The following DPP8 variants were observed in gnomAD, a reference collection of about 807,000 sequenced individuals.
DPP8 encodes dipeptidyl peptidase 8, also known as DPP VIII.
DPP8 carries 31 observed loss-of-function variants against 107.5 expected under a neutral mutation model. That is an observed-to-expected ratio of 0.29 (90% CI 0.22 to 0.39). The LOEUF (loss-of-function observed/expected upper bound fraction) is 0.39, where lower values mean the gene tolerates loss of function less well. Among genes scored for constraint, DPP8 ranks in the 10% least tolerant of loss-of-function variants. The pLI is 1.00. For synonymous variants in DPP8, 381 were observed against 356.6 expected (o/e 1.07, Z -0.77); for missense variants, 842 against 1,076.1 (o/e 0.78, Z 3.04).
intron 7 of DPP8, among the ~76,000 whole-genome samples, chr15:65,485,991 G>C (rs1240174651): frequency 6.6e-6 from 1 of 151,680 alleles, no homozygotes; most frequent in Non-Finnish European, 1.5e-5. Flanking sequence ...CTACTCAGGG[G>C]GCTGAGGCAG....
In DPP8 at chr15:65,445,119, C is replaced by G. The variant is rs1196050227; in HGVS notation, c.*1765G>C. On this transcript the variant is annotated 3_prime_UTR_variant, in exon 20 of 20. Coordinates refer to ENST00000300141, the MANE Select transcript of DPP8 (RefSeq NM_130434.5). The stretch of plus-strand genomic sequence containing the variant: ...TAAATACAAACAGCAAAACCCAATA[C>G]CTTTCCCAACGACAGAACCACCATA... 6.6e-6 allele frequency: 1 copy of G among 152,002 alleles called. No individual in the cohort carries two copies. Among genetic ancestry groups the G allele is most frequent in the Non-Finnish European group, 1.5e-5 (1 of 68,004 alleles). 9.4% of individuals were successfully genotyped at this position (152,002 alleles called of 1,614,324 possible). A position where few individuals can be genotyped will look rare whatever the true frequency, so the allele number is the denominator to read the frequency against.
Position 65,485,124 on chromosome 15 carries a change from T to C in DPP8, c.992A>G (p.Glu331Gly). 1 of 1,610,774 alleles carries C rather than the reference T, an allele frequency of 6.2e-7. No individual in the cohort carries two copies. Among genetic ancestry groups the C allele is most frequent in the Non-Finnish European group, 8.5e-7 (1 of 1,176,924 alleles). Reference protein sequence around the residue: ...ANPKVTFKMSEIMIDAEGRII... With the variant: ...ANPKVTFKMSGIMIDAEGRII... ...CCTTCCTTCAGCATCAATCATTATT[T>C]CTGACATCTTAAAAGTGACTTTAGG... The change falls in exon 8 of 20, where the codon GAA becomes GGA. Residue 331 changes from glutamate (E) to glycine (G), a missense_variant. Physicochemically the swap from Glu to Gly is moderately conservative, Grantham distance 98. Transcript: ENST00000300141.
rs1490260182 is a variant in DPP8, at chr15:65,490,218, C to T, written c.797G>A (p.Gly266Asp). The change falls in exon 6 of 20, where the codon GGC (glycine) becomes GAC (aspartate). Residue 266 changes from glycine (G) to aspartate (D), a missense_variant. Gly to Asp is a moderately conservative substitution (Grantham distance 94). This residue lies in a region of DPP8 where 663 missense variants were observed against 758.0 expected (regional missense o/e 0.87). Transcript: ENST00000300141. ...TTCAGCTTTTGGACACCACCAATAG[C>T]CAGAATATCTATCAAATTCTTCTTG... ...VLQEEFDRYS[G>D]YWWCPKAETT... is the part of the protein sequence containing the mutation. The T allele has an allele frequency of 6.2e-7, 1 of 1,610,564 alleles. No homozygotes were observed. Among genetic ancestry groups the T allele is most frequent in the Non-Finnish European group, 8.5e-7 (1 of 1,176,908 alleles).
At chr15:65,460,519 T>C (rs757123165) in intron 15 of DPP8, among the ~76,000 whole-genome samples, 2 of 152,212 alleles carry the variant, frequency 1.3e-5, no homozygotes, top group Non-Finnish European at 2.9e-5. Context: ...ACTTCTATTC[T>C]ACTTTCTATC....
intron 1 of DPP8, chr15:65,516,845 T>C (rs889925077): frequency 1.3e-5 from 2 of 152,178 alleles, no homozygotes; most frequent in Admixed American, 6.6e-5. Context: ...TGAAAAACTA[T>C]GAATGAGGAA....
At chr15:65,447,343 TGC>T (rs2063552416) in intron 19 of DPP8, among the ~76,000 whole-genome samples, 3 of 152,174 alleles carry the variant, frequency 2.0e-5, no homozygotes, top group African/African-American at 7.2e-5. Context: ...TTACTTGTTG[TGC>T]CAGCATTTAC....
intron 3 of DPP8, among the ~76,000 whole-genome samples, chr15:65,506,043 T>A (rs2069936597): frequency 6.6e-6 from 1 of 151,410 alleles, no homozygotes; most frequent in Non-Finnish European, 1.5e-5. Context: ...TAAGAAATAC[T>A]CGGCCAAGGC....
At chr15:65,487,891 T>C in intron 6 of DPP8, 73 bp from the exon 7 acceptor site, 1 of 1,010,764 alleles carries the variant, frequency 9.9e-7, no homozygotes, top group South Asian at 1.6e-5. Context: ...CCGTTCCTTC[T>C]AGTATCAGAT....
chr15:65,446,840 G>GT lies in DPP8; in HGVS notation c.*43dup, dbSNP rs1746253435. 5 of 1,541,680 alleles carry GT rather than the reference G, an allele frequency of 3.2e-6. No individual in the cohort carries two copies. The highest frequency in any genetic ancestry group is 1.4e-5 in the African/African-American group (1 of 70,982). On this transcript the variant is annotated 3_prime_UTR_variant, in exon 20 of 20. Coordinates refer to ENST00000300141, the MANE Select transcript of DPP8 (RefSeq NM_130434.5). ...TCTGTTGATTAAACCTCCTCATTTG[G>GT]TTAAATAGCCAGTGTATACCAGAGA...
Position 65,498,030 on chromosome 15 carries a change from T to C in DPP8, c.549A>G (p.Gln183=). 8.2e-6 allele frequency: 13 copies of C among 1,586,338 alleles called. No homozygotes were observed. Among genetic ancestry groups the C allele is most frequent in the Non-Finnish European group, 1.1e-5 (13 of 1,163,536 alleles). ...VKDGGPQGFT[Q]QPLRPNLVET... ...CCACTAGATTGGGCCTTAAAGGTTG[T>C]TGCTAGAAAAGTAAACAACATTTTA... Residue 183 remains glutamine, a splice_region_variant and synonymous_variant, in exon 5 of 20, where the codon CAA becomes CAG. Transcript: ENST00000300141.
intron 15 of DPP8, 56 bp downstream of exon 15, chr15:65,463,705 G>A: frequency 1.4e-6 from 2 of 1,456,222 alleles, no homozygotes; most frequent in Non-Finnish European, 1.9e-6. Context: ...AAAAACAAAA[G>A]ATCTAAAATA....
chr15:65,512,328 C>G lies in DPP8; in HGVS notation c.226G>C (p.Asp76His). The G allele has an allele frequency of 3.7e-6, 6 of 1,613,706 alleles. No individual in the cohort carries two copies. The highest frequency in any genetic ancestry group is 5.1e-6 in the Non-Finnish European group (6 of 1,179,946). ...DFMFVKRNDP[D>H]GPHSDRIYYL... is the part of the protein sequence containing the mutation. ...TAGATTCTGTCTGAATGAGGTCCAT[C>G]TGGATCATTCCTCTTCACAAACATG... Residue 76 changes from aspartate to histidine, a missense_variant, in exon 2 of 20, where the codon GAT becomes CAT. Asp to His is a moderately conservative substitution (Grantham distance 81). This residue lies in a region of DPP8 where 663 missense variants were observed against 758.0 expected (regional missense o/e 0.87). Transcript: ENST00000300141.
At chr15:65,476,975 A>G (rs1041318560) in intron 11 of DPP8, among the ~76,000 whole-genome samples, 8 of 152,196 alleles carry the variant, frequency 5.3e-5, no homozygotes, top group Non-Finnish European at 1.0e-4. Context: ...CCACTAAATA[A>G]GACATCTAGA....
At chr15:65,512,834 G>A (rs936801148) in intron 1 of DPP8, 20 of 393,786 alleles carry the variant, frequency 5.1e-5, no homozygotes, top group Non-Finnish European at 6.4e-5. Flanking sequence ...CTCTCCTTAG[G>A]TATTTCTTGC....
intron 4 of DPP8, 84 bp from the exon 5 acceptor site, chr15:65,498,116 T>C: frequency 9.1e-7 from 1 of 1,095,938 alleles, no homozygotes; most frequent in Non-Finnish European, 1.3e-6. Context: ...TGAACAATAT[T>C]TCTAGGTAAA....
At chr15:65,480,646 C>T (rs759150458) in intron 9 of DPP8, among the ~76,000 whole-genome samples, 1 of 152,052 alleles carries the variant, frequency 6.6e-6, no homozygotes, top group Non-Finnish European at 1.5e-5. Context: ...GTGTTTTATC[C>T]CGGTAGGCTG....
chr15:65,510,427 C>T (rs1342082745), intron 2 of DPP8, among the ~76,000 whole-genome samples: 1 of 151,980 alleles, frequency 6.6e-6, no homozygotes, highest in East Asian at 1.9e-4. Context: ...AAAAGAAACC[C>T]TCTTCAGGGG....
rs1595977355 is a variant in DPP8, at chr15:65,480,218, A to G, written c.1296+4T>C. ...TTTAAACAAATACAGGAAAAAATGC[A>G]TACATTTATCCAGATGTCTGTTGTT... is the stretch of plus-strand genomic sequence containing the variant. On this transcript the variant is annotated splice_donor_region_variant and intron_variant, in intron 10 of 19. Coordinates refer to ENST00000300141, the MANE Select transcript of DPP8 (RefSeq NM_130434.5). The G allele has an allele frequency of 6.2e-7, 1 of 1,601,400 alleles. No individual in the cohort carries two copies. Among genetic ancestry groups the G allele is most frequent in the East Asian group, 2.2e-5 (1 of 44,692 alleles).
intron 15 of DPP8, chr15:65,458,643 T>G (rs1279764971): frequency 6.6e-6 from 1 of 152,168 alleles, no homozygotes. Flanking sequence ...GTGGGAAATA[T>G]CTGCTGCTTT....
Sources: gnomAD v4.1 joint callset for allele counts (sites outside exome capture counted in the v4.1 genomes callset) on GRCh38, gnomAD v4.1.1 for gene constraint, gnomAD v4.1.1 regional missense constraint, MANE v1.5 for transcripts, NCBI Gene and HGNC (gene_info 2026-07-23, HGNC 2026-07-21) for gene names.